The following CACNB2 variants were observed in gnomAD, a reference collection of about 807,000 sequenced individuals.
CACNB2 encodes calcium voltage-gated channel auxiliary subunit beta 2, also known as voltage-dependent L-type calcium channel subunit beta-2.
CACNB2 carries 42 observed loss-of-function variants against 73.3 expected under a neutral mutation model. The ratio of observed to expected loss-of-function variants is 0.57; its 90% CI spans 0.45 to 0.74. The LOEUF is 0.74. CACNB2 is among the 30% of genes least tolerant of loss of function. The pLI is 0.00. For synonymous variants in CACNB2, 348 were observed against 310.3 expected (o/e 1.12, Z -1.28); for missense variants, 940 against 853.0 (o/e 1.10, Z -1.27).
intron 2 of CACNB2, among the ~76,000 whole-genome samples, chr10:18,249,513 C>G (rs879703473): frequency 1.3e-5 from 2 of 152,218 alleles, no homozygotes; most frequent in Non-Finnish European, 2.9e-5. Flanking sequence ...TCACCTCGCT[C>G]TCTTTATTGA....
chr10:18,475,412 C>T (rs2048391427), intron 3 of CACNB2, among the ~76,000 whole-genome samples: 1 of 152,112 alleles, frequency 6.6e-6, no homozygotes, highest in Admixed American at 6.5e-5. Context: ...GAGACCCCAG[C>T]CACCAGTCAT....
intron 2 of CACNB2, among the ~76,000 whole-genome samples, chr10:18,389,099 ATTT>A (rs2043354505): frequency 6.6e-6 from 1 of 152,146 alleles, no homozygotes; most frequent in Admixed American, 6.5e-5. Flanking sequence ...AACTCCCAAC[ATTT>A]TTTGAGAAAA....
chr10:18,245,545 G>C (rs1347586053), intron 2 of CACNB2, among the ~76,000 whole-genome samples: 1 of 152,022 alleles, frequency 6.6e-6, no homozygotes, highest in African/African-American at 2.4e-5. Flanking sequence ...TCCCACAGCT[G>C]GTCTTAAACT....
chr10:18,489,002 AC>A (rs1219405950), intron 3 of CACNB2, among the ~76,000 whole-genome samples: 16 of 152,004 alleles, frequency 1.1e-4, no homozygotes, highest in African/African-American at 3.9e-4. Context: ...ACATGGTGAT[AC>A]CCCATCTCTA....
At chr10:18,440,581 C>A (rs995629076) in intron 3 of CACNB2, among the ~76,000 whole-genome samples, 5 of 152,118 alleles carry the variant, frequency 3.3e-5, no homozygotes, top group African/African-American at 1.2e-4. Flanking sequence ...TTAGAGGTTG[C>A]AGTGAGTTGT....
At chr10:18,328,740 C>A (rs2040681785) in intron 2 of CACNB2, among the ~76,000 whole-genome samples, 1 of 152,314 alleles carries the variant, frequency 6.6e-6, no homozygotes, top group Admixed American at 6.5e-5. Context: ...CAATGAACTG[C>A]TCTTTCATCA....
chr10:18,482,542 G>A (rs139682636), intron 3 of CACNB2, among the ~76,000 whole-genome samples: 7 of 152,188 alleles, frequency 4.6e-5, no homozygotes, highest in Non-Finnish European at 7.4e-5. Context: ...ATGCAGTCTC[G>A]CTCTGTCGCC....
At chr10:18,375,359 G>A (rs972644658) in intron 2 of CACNB2, among the ~76,000 whole-genome samples, 2 of 152,150 alleles carry the variant, frequency 1.3e-5, no homozygotes, top group Admixed American at 1.3e-4. Flanking sequence ...ATCTCAATGT[G>A]CTAATGGGGA....
intron 3 of CACNB2, among the ~76,000 whole-genome samples, chr10:18,406,353 T>A (rs185026432): frequency 8.5e-5 from 13 of 152,254 alleles, no homozygotes; most frequent in African/African-American, 2.4e-4. Flanking sequence ...CGTATTCTGT[T>A]AGGAACCAGG....
At chr10:18,303,440 G>A (rs2039606259) in intron 2 of CACNB2, among the ~76,000 whole-genome samples, 1 of 152,144 alleles carries the variant, frequency 6.6e-6, no homozygotes, top group Non-Finnish European at 1.5e-5. Flanking sequence ...AGGTTGGGAA[G>A]GCTGCAGTGA....
At chr10:18,354,826 C>T (rs1175784557) in intron 2 of CACNB2, among the ~76,000 whole-genome samples, 1 of 152,112 alleles carries the variant, frequency 6.6e-6, no homozygotes, top group Admixed American at 6.6e-5. Context: ...TAAAGCACAA[C>T]CATAAAACCA....
intron 2 of CACNB2, among the ~76,000 whole-genome samples, chr10:18,319,521 G>A (rs2040317916): frequency 6.6e-6 from 1 of 152,010 alleles, no homozygotes; most frequent in African/African-American, 2.4e-5. Context: ...CCTAGGTGAT[G>A]GGTTGATAGG....
At chr10:18,260,346 G>C in intron 2 of CACNB2, 1 of 695,114 alleles carries the variant, frequency 1.4e-6, no homozygotes, top group Non-Finnish European at 1.8e-6. Flanking sequence ...ATCATAGGTG[G>C]TATGAGATCT....
chr10:18,409,198 C>T (rs916752439), intron 3 of CACNB2, among the ~76,000 whole-genome samples: 33 of 151,728 alleles, frequency 2.2e-4, no homozygotes, highest in African/African-American at 8.0e-4. Context: ...ATCCCAGAGG[C>T]TGAAGCAGGA....
At chr10:18,346,127 G>T (rs1277844) in intron 2 of CACNB2, among the ~76,000 whole-genome samples, 84,678 of 151,902 alleles carry the variant, frequency 0.56, 24,462 homozygotes, top group Admixed American at 0.62. Flanking sequence ...CTCTTAAGAG[G>T]TGGAGAACTG....
chr10:18,275,988 G>T (rs180914148), intron 2 of CACNB2, among the ~76,000 whole-genome samples: 2 of 152,104 alleles, frequency 1.3e-5, no homozygotes, highest in African/African-American at 4.8e-5. Context: ...GGAAATTCTG[G>T]TTCAGCTTTT....
At chr10:18,272,690 G>A (rs927633686) in intron 2 of CACNB2, among the ~76,000 whole-genome samples, 21 of 152,150 alleles carry the variant, frequency 1.4e-4, no homozygotes, top group African/African-American at 4.8e-4. Context: ...GAGTTCCCCT[G>A]CACAAGCCCT....
intron 11 of CACNB2, 36 bp downstream of exon 11, chr10:18,534,263 A>G (rs774695642): frequency 6.4e-7 from 1 of 1,557,078 alleles, no homozygotes; most frequent in Non-Finnish European, 8.9e-7. Context: ...CTATAATCAA[A>G]CTTTCCTAAA....
At chr10:18,236,173 C>T (rs1352913237) in intron 2 of CACNB2, among the ~76,000 whole-genome samples, 2 of 152,194 alleles carry the variant, frequency 1.3e-5, no homozygotes, top group African/African-American at 4.8e-5. Flanking sequence ...ATAAACAGGA[C>T]TTCTGATCCT....
Sources: allele counts gnomAD v4.1 joint callset (sites outside exome capture counted in the v4.1 genomes callset), GRCh38; gene constraint gnomAD v4.1.1; transcripts MANE v1.5; gene names NCBI Gene and HGNC (gene_info 2026-07-23, HGNC 2026-07-21).